The following KLHL3 variants were observed in gnomAD, a reference collection of about 807,000 sequenced individuals.
The protein encoded by KLHL3 is kelch like family member 3.
Under a neutral mutation model 70.5 loss-of-function variants are expected in KLHL3, and 19 were observed. The observed-to-expected ratio is 0.27, with a 90% confidence interval of 0.19 to 0.40. KLHL3 has a LOEUF of 0.40. KLHL3 is among the 10% of genes least tolerant of loss of function. The pLI is 1.00. For missense variants in KLHL3, 512 were observed against 771.1 expected, an observed-to-expected ratio of 0.66 and a Z score of 3.98; for synonymous variants, 258 against 290.3, an observed-to-expected ratio of 0.89 and a Z score of 1.13.
chr5:137,653,773 A>G (rs1751268246), intron 8 of KLHL3, among the ~76,000 whole-genome samples: 2 of 152,226 alleles, frequency 1.3e-5, no homozygotes, highest in South Asian at 4.1e-4. Context: ...GAGAAATTAA[A>G]ACATATGTCC....
At chr5:137,710,242 T>C (rs1165154465) in intron 2 of KLHL3, among the ~76,000 whole-genome samples, 1 of 152,168 alleles carries the variant, frequency 6.6e-6, no homozygotes, top group Non-Finnish European at 1.5e-5. Flanking sequence ...CTGAGGAACA[T>C]GAGCATACCA....
chr5:137,617,672 A>G lies in KLHL3; in HGVS notation c.*4426T>C, dbSNP rs550820486. On this transcript the variant is annotated 3_prime_UTR_variant, in exon 15 of 15. Coordinates refer to ENST00000309755, the MANE Select transcript of KLHL3 (RefSeq NM_017415.3). ...CCCTAACAGCCACGCAGAGAACACC[A>G]GATCGAGGATCTTACCTATGCAATA... The G allele has an allele frequency of 3.3e-5, 5 of 152,384 alleles. No homozygotes were observed. Among genetic ancestry groups the G allele is most frequent in the Admixed American group, 2.0e-4 (3 of 15,312 alleles). 9.4% of individuals were successfully genotyped at this position (152,384 alleles called of 1,614,324 possible). A position where few individuals can be genotyped will look rare whatever the true frequency, so the allele number is the denominator to read the frequency against.
chr5:137,648,496 A>T (rs1413144433), intron 8 of KLHL3, among the ~76,000 whole-genome samples: 11 of 152,224 alleles, frequency 7.2e-5, no homozygotes, highest in Admixed American at 1.3e-4. Flanking sequence ...CCTTGCTGCC[A>T]TCTGTGGAAC....
chr5:137,644,422 G>A (rs894110694), intron 8 of KLHL3, among the ~76,000 whole-genome samples: 1 of 152,160 alleles, frequency 6.6e-6, no homozygotes, highest in Non-Finnish European at 1.5e-5. Context: ...TTCATCTGTT[G>A]ATGGGCACTT....
intron 8 of KLHL3, among the ~76,000 whole-genome samples, chr5:137,653,315 A>C (rs968619626): frequency 6.6e-6 from 1 of 152,212 alleles, no homozygotes; most frequent in Non-Finnish European, 1.5e-5. Context: ...AAAAATGAAA[A>C]TATAAGGCAC....
intron 4 of KLHL3, among the ~76,000 whole-genome samples, chr5:137,693,807 A>G (rs1340559141): frequency 6.6e-6 from 1 of 151,990 alleles, no homozygotes; most frequent in Non-Finnish European, 1.5e-5. Flanking sequence ...GCCCAGGAAG[A>G]TATGGGCTGC....
At chr5:137,712,414 T>C (rs1752811520) in intron 2 of KLHL3, among the ~76,000 whole-genome samples, 1 of 152,126 alleles carries the variant, frequency 6.6e-6, no homozygotes, top group Admixed American at 6.5e-5. Context: ...GCAGTTCTGA[T>C]GGGTGGAAAG....
intron 8 of KLHL3, among the ~76,000 whole-genome samples, chr5:137,655,277 T>C (rs889782536): frequency 1.4e-4 from 21 of 152,126 alleles, no homozygotes; most frequent in African/African-American, 5.1e-4. Context: ...ATAATAAAGA[T>C]AGTATTCAAA....
chr5:137,721,320 A>G (rs1003001102), intron 1 of KLHL3: 48 of 152,388 alleles, frequency 3.1e-4, no homozygotes, highest in African/African-American at 1.1e-3. Flanking sequence ...GGGAATATCA[A>G]GAGAAAAAAC....
In KLHL3 at chr5:137,622,007, A is replaced by G; in HGVS notation, c.*91T>C. On this transcript the variant is annotated 3_prime_UTR_variant, in exon 15 of 15. Transcript: ENST00000309755. ...TCTCACAGCAGCACAGACCCTCCCA[A>G]GCAAGTTGAATCCAGTCACCAAGGT... 1 of 1,388,006 alleles carries G rather than the reference A, an allele frequency of 7.2e-7. No individual in the cohort carries two copies. 86.0% of individuals were successfully genotyped at this position (1,388,006 alleles called of 1,614,324 possible).
At chr5:137,630,735 G>A (rs546164393) in intron 12 of KLHL3, among the ~76,000 whole-genome samples, 4 of 152,148 alleles carry the variant, frequency 2.6e-5, no homozygotes, top group Non-Finnish European at 5.9e-5. Flanking sequence ...AGGAATTAGA[G>A]GCCAGAATAA....
rs960372438 is a variant in KLHL3, at chr5:137,688,433, C to T, written c.526+3852G>A. On this transcript the variant is annotated intron_variant, in intron 5 of 14. Coordinates refer to ENST00000309755, the MANE Select transcript of KLHL3 (RefSeq NM_017415.3). ...GGAAGAGAAGAAGACACCCACATGG[C>T]GCTTCCTCTATCCCAAGATGATGAC... Among the ~76,000 whole-genome samples the T allele has an allele frequency of 2.0e-5, 3 of 152,306 alleles. No individual in the cohort carries two copies. In the South Asian group the frequency reaches 6.2e-4, roughly 32 times the overall value.
At chr5:137,626,024 T>G in intron 13 of KLHL3, 128 bp from the exon 14 acceptor site, 1 of 1,149,690 alleles carries the variant, frequency 8.7e-7, no homozygotes. Context: ...CAACAGAGAT[T>G]TGGCTCCACA....
chr5:137,704,002 T>C (rs1361752650), intron 3 of KLHL3, among the ~76,000 whole-genome samples: 1 of 152,208 alleles, frequency 6.6e-6, no homozygotes, highest in Non-Finnish European at 1.5e-5. Flanking sequence ...GAGTGCCTTA[T>C]ACCCGTTACC....
In KLHL3 at chr5:137,688,293, G is replaced by C. The variant is rs1298231605; in HGVS notation, c.526+3992C>G. ...CACCACAGAAGGCCTGCATAACAGG[G>C]AGGAGACTCTCAGCCTGAAGATCAT... On this transcript the variant is annotated intron_variant, in intron 5 of 14. Coordinates refer to ENST00000309755, the MANE Select transcript of KLHL3 (RefSeq NM_017415.3). 3.9e-5 allele frequency among the ~76,000 whole-genome samples: 6 copies of C among 152,082 alleles called. No homozygotes were observed. In the East Asian group the frequency reaches 1.2e-3, roughly 29 times the overall value.
chr5:137,667,108 T>C (rs1189399914), intron 6 of KLHL3, among the ~76,000 whole-genome samples: 1 of 152,186 alleles, frequency 6.6e-6, no homozygotes, highest in Non-Finnish European at 1.5e-5. Context: ...CTGCCACCTG[T>C]TTTGGTAAAT....
chr5:137,642,455 G>A (rs1295223206), intron 8 of KLHL3, among the ~76,000 whole-genome samples: 1 of 152,190 alleles, frequency 6.6e-6, no homozygotes, highest in Non-Finnish European at 1.5e-5. Flanking sequence ...GTTCTGCATT[G>A]TGCTGGACCA....
chr5:137,633,330 G>A (rs1239814261), intron 12 of KLHL3, among the ~76,000 whole-genome samples: 1 of 150,130 alleles, frequency 6.7e-6, no homozygotes, highest in Non-Finnish European at 1.5e-5. Flanking sequence ...CTTTAGCATG[G>A]TTGCAGAGAA....
chr5:137,656,988 AG>A (rs1417428720), intron 8 of KLHL3, among the ~76,000 whole-genome samples: 10 of 152,254 alleles, frequency 6.6e-5, no homozygotes, highest in Non-Finnish European at 1.3e-4. Context: ...AAGATATTCA[AG>A]TGATAACCTC....
Sources: gnomAD v4.1 joint callset for allele counts (sites outside exome capture counted in the v4.1 genomes callset) on GRCh38, gnomAD v4.1.1 for gene constraint, MANE v1.5 for transcripts, NCBI Gene and HGNC (gene_info 2026-07-23, HGNC 2026-07-21) for gene names.